Variants in PRMT7 observed in about 807,000 individuals in gnomAD.
PRMT7 encodes the protein protein arginine methyltransferase 7, also known as protein arginine N-methyltransferase 7.
PRMT7 carries 75 observed loss-of-function variants against 85.4 expected under a neutral mutation model. The ratio of observed to expected loss-of-function variants is 0.88; its 90% CI spans 0.73 to 1.06. PRMT7 has a LOEUF of 1.06. Ranked by LOEUF, PRMT7 falls within the 50% of genes least tolerant of loss-of-function variation. The probability of loss-of-function intolerance (pLI) is 0.00; values close to 1 mark genes in which losing one functional copy is unlikely to be tolerated. For missense variants in PRMT7, 868 were observed against 915.2 expected, an observed-to-expected ratio of 0.95 and a Z score of 0.67; for synonymous variants, 397 against 359.5, an observed-to-expected ratio of 1.10 and a Z score of -1.18.
chr16:68,339,551 T>A lies in PRMT7; in HGVS notation c.734T>A (p.Leu245Gln), dbSNP rs1415308667. The A allele has an allele frequency of 6.2e-7, 1 of 1,613,720 alleles. No homozygotes were observed. Among genetic ancestry groups the A allele is most frequent in the Admixed American group, 1.7e-5 (1 of 60,018 alleles). ...PADFTVLSDV[L>Q]PMFSIDFSKQ... Reference sequence around the variant, plus strand: ...GACTTTACAGTCCTCAGCGATGTGCTGCCCATGTTCAGGTACCAAGGAGCC... The same window carrying A: ...GACTTTACAGTCCTCAGCGATGTGCAGCCCATGTTCAGGTACCAAGGAGCC... The change falls in exon 8 of 19, where the codon CTG becomes CAG. Residue 245 changes from leucine to glutamine, a missense_variant. Transcript: ENST00000441236.
chr16:68,349,940 A>G (rs201915247), intron 14 of PRMT7, among the ~76,000 whole-genome samples: 7 of 152,168 alleles, frequency 4.6e-5, no homozygotes, highest in Non-Finnish European at 1.0e-4. Context: ...TACCTCCCAA[A>G]TTCCTGGGAG....
At chr16:68,343,416 G>C (rs1222513636) in intron 9 of PRMT7, among the ~76,000 whole-genome samples, 1 of 152,116 alleles carries the variant, frequency 6.6e-6, no homozygotes, top group African/African-American at 2.4e-5. Flanking sequence ...GTCTTGTGTT[G>C]TTTCTCTACC....
chr16:68,324,110 G>T (rs1300316167), intron 4 of PRMT7: 1 of 153,316 alleles, frequency 6.5e-6, no homozygotes, highest in African/African-American at 2.4e-5. Context: ...TAACCTAACA[G>T]TAGAGATTGC....
At chr16:68,359,749 T>G (rs2089129071), downstream of PRMT7, 1 of 152,556 alleles carries the variant, frequency 6.6e-6, no homozygotes, top group Non-Finnish European at 1.5e-5. Flanking sequence ...AAACAGTCCC[T>G]CAAGTTGAGT....
chr16:68,311,238 G>T, intron 1 of PRMT7, 139 bp downstream of exon 1: 1 of 483,442 alleles, frequency 2.1e-6, no homozygotes, highest in Non-Finnish European at 3.8e-6. Context: ...GGCAGCTCGG[G>T]ACACCCGGGC....
At chr16:68,348,746 G>A (rs1026086244) in intron 14 of PRMT7, among the ~76,000 whole-genome samples, 4 of 147,450 alleles carry the variant, frequency 2.7e-5, no homozygotes, top group Non-Finnish European at 5.9e-5. Flanking sequence ...AGCCTCAAGC[G>A]ATCCTCCCAC....
intron 2 of PRMT7, among the ~76,000 whole-genome samples, chr16:68,314,953 T>C (rs2044500771): frequency 6.6e-6 from 1 of 152,006 alleles, no homozygotes; most frequent in Non-Finnish European, 1.5e-5. Flanking sequence ...AGATAAGAAG[T>C]AATCACTATA....
At chr16:68,343,588 G>C (rs768787108) in intron 9 of PRMT7, among the ~76,000 whole-genome samples, 1 of 152,198 alleles carries the variant, frequency 6.6e-6, no homozygotes, top group African/African-American at 2.4e-5. Flanking sequence ...CCCTGTGGTA[G>C]GTAGTATGGG....
At chr16:68,313,688 G>C (rs954334304) in intron 2 of PRMT7, among the ~76,000 whole-genome samples, 2 of 152,196 alleles carry the variant, frequency 1.3e-5, no homozygotes, top group African/African-American at 4.8e-5. Flanking sequence ...TATTCTGTCT[G>C]TAAAATAAAT....
At chr16:68,311,652 C>G (rs1260392274) in intron 1 of PRMT7, 1 of 152,252 alleles carries the variant, frequency 6.6e-6, no homozygotes, top group Non-Finnish European at 1.5e-5. Flanking sequence ...CGGGGGGCTT[C>G]TGCAAAAGTG....
At chr16:68,349,439 A>G (rs2151869269) in intron 14 of PRMT7, among the ~76,000 whole-genome samples, 1 of 152,208 alleles carries the variant, frequency 6.6e-6, no homozygotes, top group East Asian at 1.9e-4. Context: ...GGACTCACCC[A>G]ACGCGGAGCT....
intron 6 of PRMT7, among the ~76,000 whole-genome samples, chr16:68,333,846 C>T (rs1015842504): frequency 6.6e-6 from 1 of 152,164 alleles, no homozygotes; most frequent in Non-Finnish European, 1.5e-5. Context: ...GACCTCGGCT[C>T]ACTGCAACCT....
At chr16:68,317,407 A>G (rs1379652427) in intron 3 of PRMT7, among the ~76,000 whole-genome samples, 1 of 152,186 alleles carries the variant, frequency 6.6e-6, no homozygotes, top group Non-Finnish European at 1.5e-5. Context: ...AAGCTTTCAG[A>G]TGAGCCAGAT....
chr16:68,339,811 G>C lies in PRMT7; in HGVS notation c.770G>C (p.Ser257Thr). 1.2e-6 allele frequency: 2 copies of C among 1,614,042 alleles called. No homozygotes were observed. Among genetic ancestry groups the C allele is most frequent in the Non-Finnish European group, 1.7e-6 (2 of 1,179,856 alleles). ...AGCATAGACTTCAGCAAGCAAGTCA[G>C]TAGCTCAGCAGCCTGCCATAGCAGG... ...MFSIDFSKQV[S>T]SSAACHSRRF... is the part of the protein sequence containing the mutation. Residue 257 changes from serine (S) to threonine (T), a missense_variant, in exon 9 of 19, where the codon AGT becomes ACT. Transcript: ENST00000441236.
chr16:68,348,631 CTTTTTTTTTTTTTTT>C (rs56041186), intron 14 of PRMT7, among the ~76,000 whole-genome samples, 200 bp downstream of exon 14: 21 of 67,650 alleles, frequency 3.1e-4, no homozygotes, highest in East Asian at 1.2e-3. Flanking sequence ...TTGCACTGCT[CTTTTTTTTTTTTTTT>C]TTTTTTTTTT....
At chr16:68,331,466 G>GTT (rs2083890420) in intron 6 of PRMT7, among the ~76,000 whole-genome samples, 1 of 118,956 alleles carries the variant, frequency 8.4e-6, no homozygotes, top group African/African-American at 3.5e-5. Flanking sequence ...TTTCTTTGTT[G>GTT]TTCTTTTTTT....
chr16:68,319,413 G>A (rs1433311245), intron 3 of PRMT7, among the ~76,000 whole-genome samples: 1 of 152,130 alleles, frequency 6.6e-6, no homozygotes, highest in Non-Finnish European at 1.5e-5. Flanking sequence ...ATCAGCTGCA[G>A]GAGTGAGCTG....
At chr16:68,336,950 G>A (rs192697176) in intron 6 of PRMT7, among the ~76,000 whole-genome samples, 8 of 152,014 alleles carry the variant, frequency 5.3e-5, no homozygotes, top group Non-Finnish European at 8.8e-5. Flanking sequence ...ATGGGGTTTC[G>A]CCATGATGGC....
chr16:68,348,222 T>A, intron 13 of PRMT7, 120 bp from the exon 14 acceptor site: 1 of 804,846 alleles, frequency 1.2e-6, no homozygotes, highest in South Asian at 1.7e-5. Flanking sequence ...ATAAAAGTGG[T>A]GTTCCAGAAC....
Sources: allele counts gnomAD v4.1 joint callset (sites outside exome capture counted in the v4.1 genomes callset), GRCh38; gene constraint gnomAD v4.1.1; transcripts MANE v1.5; gene names NCBI Gene and HGNC (gene_info 2026-07-23, HGNC 2026-07-21).